The following BAZ2B variants were observed in gnomAD, a reference collection of about 807,000 sequenced individuals.
BAZ2B encodes bromodomain adjacent to zinc finger domain 2B, also known as bromodomain adjacent to zinc finger domain protein 2B.
In BAZ2B, 91 loss-of-function variants were observed where a neutral mutation model predicts 246.0. That is an observed-to-expected ratio of 0.37 (90% CI 0.31 to 0.44). The LOEUF is 0.44. Ranked by LOEUF, BAZ2B falls within the 20% of genes least tolerant of loss-of-function variation. BAZ2B has a pLI of 1.00. For synonymous variants in BAZ2B, 855 were observed against 860.0 expected (o/e 0.99, Z 0.10); for missense variants, 2,332 against 2,533.7 (o/e 0.92, Z 1.71).
At chr2:159,361,722 T>A (rs367641856) in intron 27 of BAZ2B, among the ~76,000 whole-genome samples, 1 of 152,184 alleles carries the variant, frequency 6.6e-6, no homozygotes, top group East Asian at 1.9e-4. Context: ...CCATAAATGA[T>A]AGACTAGATA....
At chr2:159,593,726 C>G (rs1321488613) in intron 1 of BAZ2B, among the ~76,000 whole-genome samples, 1 of 152,168 alleles carries the variant, frequency 6.6e-6, no homozygotes, top group Non-Finnish European at 1.5e-5. Flanking sequence ...TGTTAGTCAC[C>G]TAATAGTTGT....
chr2:159,420,253 G>A, intron 13 of BAZ2B, among the ~76,000 whole-genome samples: 1 of 152,082 alleles, frequency 6.6e-6, no homozygotes, highest in Non-Finnish European at 1.5e-5. Flanking sequence ...TCTACTTACA[G>A]AAAAAACTGC....
chr2:159,368,490 T>C (rs1307617559), intron 27 of BAZ2B, among the ~76,000 whole-genome samples: 1 of 152,242 alleles, frequency 6.6e-6, no homozygotes, highest in Non-Finnish European at 1.5e-5. Flanking sequence ...CTATTATTTA[T>C]AAGTTCTTAG....
At chr2:159,412,256 C>T in intron 14 of BAZ2B, 79 bp downstream of exon 14, 1 of 1,433,206 alleles carries the variant, frequency 7.0e-7, no homozygotes, top group South Asian at 1.2e-5. Flanking sequence ...CAGTGTCAAT[C>T]CTAAGTCAAA....
chr2:159,438,251 G>C (rs770348943), intron 8 of BAZ2B, 52 bp downstream of exon 8: 2 of 1,470,400 alleles, frequency 1.4e-6, no homozygotes, highest in East Asian at 4.6e-5. Context: ...CAATATAGAA[G>C]CTCTATCTTT....
At chr2:159,464,519 A>G (rs2076804074) in intron 3 of BAZ2B, 1 of 151,866 alleles carries the variant, frequency 6.6e-6, no homozygotes, top group African/African-American at 2.4e-5. Context: ...AACTTCGATC[A>G]CTTGGTTAAG....
intron 2 of BAZ2B, among the ~76,000 whole-genome samples, chr2:159,537,058 G>A (rs1366400444): frequency 6.6e-6 from 1 of 152,116 alleles, no homozygotes; most frequent in African/African-American, 2.4e-5. Context: ...CACACACACA[G>A]GAGTATCATT....
intron 13 of BAZ2B, among the ~76,000 whole-genome samples, chr2:159,425,151 G>C (rs1479703504): frequency 6.6e-6 from 1 of 152,114 alleles, no homozygotes; most frequent in African/African-American, 2.4e-5. Flanking sequence ...AAGAATAGGG[G>C]TATTTAGTTT....
At chr2:159,428,900 C>T (rs957210252) in intron 11 of BAZ2B, among the ~76,000 whole-genome samples, 1 of 152,130 alleles carries the variant, frequency 6.6e-6, no homozygotes, top group Admixed American at 6.6e-5. Flanking sequence ...ACAAAAACTT[C>T]TCACAGTCTC....
chr2:159,500,971 A>G (rs1031870712), intron 2 of BAZ2B, among the ~76,000 whole-genome samples: 1 of 147,864 alleles, frequency 6.8e-6, no homozygotes, highest in African/African-American at 2.5e-5. Context: ...AAAAGAAAAA[A>G]GAAAAGGAAA....
chr2:159,437,263 A>T (rs567094881), intron 8 of BAZ2B: 1 of 152,368 alleles, frequency 6.6e-6, no homozygotes, highest in South Asian at 2.1e-4. Context: ...TTTGCTGGAC[A>T]TATGAATTTA....
chr2:159,685,037 C>T, the BAZ2B span, among the ~76,000 whole-genome samples: 1 of 152,176 alleles, frequency 6.6e-6, no homozygotes, highest in Non-Finnish European at 1.5e-5. Flanking sequence ...GAACTCCTTC[C>T]TTTATGCCCC....
intron 1 of BAZ2B, among the ~76,000 whole-genome samples, chr2:159,576,695 C>T (rs1256892392): frequency 6.6e-6 from 1 of 151,164 alleles, no homozygotes; most frequent in African/African-American, 2.4e-5. Context: ...AGGTGGATCA[C>T]GAGGTCGGGA....
the BAZ2B span, among the ~76,000 whole-genome samples, chr2:159,701,562 A>T: frequency 6.6e-6 from 1 of 150,552 alleles, no homozygotes; most frequent in Non-Finnish European, 1.5e-5. Flanking sequence ...AAAAATGTAC[A>T]ATGTATTTTT....
At chr2:159,455,749 C>T (rs2075656695) in intron 3 of BAZ2B, among the ~76,000 whole-genome samples, 1 of 139,226 alleles carries the variant, frequency 7.2e-6, no homozygotes, top group Non-Finnish European at 1.5e-5. Context: ...TGATAGGTTA[C>T]CAGAAATATT....
chr2:159,660,498 T>G, the BAZ2B span, among the ~76,000 whole-genome samples: 1 of 152,312 alleles, frequency 6.6e-6, no homozygotes, highest in African/African-American at 2.4e-5. Flanking sequence ...ATGTATTTAA[T>G]GGTAACTCTA....
At chr2:159,410,674 C>G (rs1374053936) in intron 14 of BAZ2B, among the ~76,000 whole-genome samples, 1 of 152,050 alleles carries the variant, frequency 6.6e-6, no homozygotes, top group Non-Finnish European at 1.5e-5. Context: ...AATACACATA[C>G]TAAGATAAAA....
chr2:159,476,833 A>G (rs563375619), intron 3 of BAZ2B, among the ~76,000 whole-genome samples: 1 of 152,204 alleles, frequency 6.6e-6, no homozygotes, highest in African/African-American at 2.4e-5. Context: ...CATTTACACA[A>G]ATTTATCTAA....
At chr2:159,648,145 A>T in the BAZ2B span, among the ~76,000 whole-genome samples, 1 of 151,676 alleles carries the variant, frequency 6.6e-6, no homozygotes, top group African/African-American at 2.4e-5. Context: ...TTATTTATTT[A>T]TTTATTTTTT....
Sources: gnomAD v4.1 joint callset for allele counts (sites outside exome capture counted in the v4.1 genomes callset) on GRCh38, gnomAD v4.1.1 for gene constraint, MANE v1.5 for transcripts, NCBI Gene and HGNC (gene_info 2026-07-23, HGNC 2026-07-21) for gene names.